The following SND1 variants were observed in gnomAD, a reference collection of about 807,000 sequenced individuals.
The protein encoded by SND1 is staphylococcal nuclease and tudor domain containing 1.
A neutral mutation model predicts 121.7 loss-of-function variants in SND1; 38 were observed. The observed-to-expected ratio is 0.31, with a 90% CI of 0.24 to 0.41. The LOEUF is 0.41. Among genes scored for constraint, SND1 ranks in the 10% least tolerant of loss-of-function variants. The probability of loss-of-function intolerance (pLI) is 1.00; values close to 1 mark genes in which losing one functional copy is unlikely to be tolerated. For missense variants in SND1, 868 were observed against 1,184.6 expected (o/e 0.73, Z 3.92); for synonymous variants, 401 against 447.4 (o/e 0.90, Z 1.31).
intron 9 of SND1, among the ~76,000 whole-genome samples, chr7:127,716,755 G>A (rs1414535374): frequency 6.6e-6 from 1 of 152,120 alleles, no homozygotes; most frequent in East Asian, 1.9e-4. Context: ...CTCTGACATG[G>A]TTTTTAAGCA....
intron 10 of SND1, among the ~76,000 whole-genome samples, chr7:127,799,002 A>AT (rs1351056825): frequency 6.7e-6 from 1 of 149,010 alleles, no homozygotes; most frequent in African/African-American, 2.6e-5. Flanking sequence ...AGCCCTTGTC[A>AT]TGCCATTGCA....
At chr7:127,947,169 C>G (rs1563066974) in intron 15 of SND1, among the ~76,000 whole-genome samples, 1 of 152,140 alleles carries the variant, frequency 6.6e-6, no homozygotes, top group Non-Finnish European at 1.5e-5. Flanking sequence ...CAAAACTTAG[C>G]ATTCTAGCAG....
chr7:128,041,318 G>A (rs1367168117), intron 16 of SND1, among the ~76,000 whole-genome samples: 2 of 152,094 alleles, frequency 1.3e-5, no homozygotes, highest in Non-Finnish European at 2.9e-5. Flanking sequence ...GGAGGGCAGC[G>A]CAGCATTGGG....
intron 16 of SND1, among the ~76,000 whole-genome samples, chr7:128,046,749 A>G (rs1792955890): frequency 6.6e-6 from 1 of 152,192 alleles, no homozygotes. Flanking sequence ...CATGAGCCAC[A>G]GCACCTAGCG....
chr7:128,041,210 G>A (rs776332421), intron 16 of SND1, among the ~76,000 whole-genome samples: 11 of 152,166 alleles, frequency 7.2e-5, no homozygotes, highest in African/African-American at 1.2e-4. Flanking sequence ...CGAGGATGCA[G>A]GATCGCTTAA....
intron 17 of SND1, among the ~76,000 whole-genome samples, chr7:128,076,255 A>G (rs1024340317): frequency 1.3e-5 from 2 of 152,104 alleles, no homozygotes; most frequent in Admixed American, 1.3e-4. Context: ...ATCGTTATTT[A>G]CTGCACAGTG....
chr7:127,971,442 G>C (rs1387183418), intron 15 of SND1, among the ~76,000 whole-genome samples: 1 of 152,220 alleles, frequency 6.6e-6, no homozygotes, highest in East Asian at 1.9e-4. Context: ...GAAGGGCCTT[G>C]TGTCTGTGCA....
chr7:128,042,072 C>T (rs946468813), intron 16 of SND1, among the ~76,000 whole-genome samples: 1 of 152,110 alleles, frequency 6.6e-6, no homozygotes, highest in Non-Finnish European at 1.5e-5. Flanking sequence ...TAGAAGAGCT[C>T]TCATTCTCTA....
chr7:127,654,610 T>C (rs1372358244), intron 1 of SND1, among the ~76,000 whole-genome samples: 1 of 152,222 alleles, frequency 6.6e-6, no homozygotes, highest in Non-Finnish European at 1.5e-5. Flanking sequence ...GGAGCTGCTA[T>C]TATGGTAAAT....
chr7:127,698,983 G>C (rs1358406451), intron 4 of SND1, 30 bp downstream of exon 4: 19 of 1,580,808 alleles, frequency 1.2e-5, no homozygotes, highest in Non-Finnish European at 1.6e-5. Flanking sequence ...CTGTCTCTCT[G>C]ACAGCGGTAA....
intron 5 of SND1, 148 bp downstream of exon 5, chr7:127,701,471 A>C: frequency 1.3e-6 from 1 of 766,104 alleles, no homozygotes; most frequent in Non-Finnish European, 2.0e-6. Context: ...ACAGCACCTT[A>C]GTATTTCAGA....
chr7:128,025,239 T>C (rs1803448499), intron 16 of SND1, among the ~76,000 whole-genome samples: 1 of 152,244 alleles, frequency 6.6e-6, no homozygotes, highest in Non-Finnish European at 1.5e-5. Flanking sequence ...GGTCTCATTT[T>C]AACTGTTTTG....
At chr7:127,925,584 T>A (rs1432125650) in intron 14 of SND1, among the ~76,000 whole-genome samples, 1 of 152,058 alleles carries the variant, frequency 6.6e-6, no homozygotes, top group Non-Finnish European at 1.5e-5. Flanking sequence ...AATCTTTATT[T>A]ATATATATGG....
chr7:127,946,161 GTTGT>G lies in SND1; in HGVS notation c.1669+16836_1669+16839del, dbSNP rs1801325515. On this transcript the variant is annotated intron_variant, in intron 15 of 23. Coordinates refer to ENST00000354725, the MANE Select transcript of SND1 (RefSeq NM_014390.4). ...GTAGTAATGAAGGTATGAATTTTTA[GTTGT>G]TTGGGGGTTTGGATTTGTTTTATTG... 2.6e-5 allele frequency among the ~76,000 whole-genome samples: 4 copies of G among 152,198 alleles called. No individual in the cohort carries two copies. The South Asian group carries it at 8.3e-4, about 32-fold the overall frequency.
chr7:127,691,911 C>T (rs1221501582), intron 2 of SND1, among the ~76,000 whole-genome samples: 2 of 151,774 alleles, frequency 1.3e-5, no homozygotes, highest in Non-Finnish European at 2.9e-5. Context: ...GGATTACAGC[C>T]GTGAGCCTCC....
In SND1 at chr7:127,861,535, C is replaced by T. The variant is rs182405911; in HGVS notation, c.1343+17111C>T. 5.2e-3 allele frequency among the ~76,000 whole-genome samples: 799 copies of T among 152,212 alleles called. 6 individuals carry two copies. The highest frequency in any genetic ancestry group is 0.018 in the African/African-American group (741 of 41,544). On this transcript the variant is annotated intron_variant, in intron 12 of 23. Coordinates refer to ENST00000354725, the MANE Select transcript of SND1 (RefSeq NM_014390.4). ...TGTTGCCTAGGCTGGAATGCAGTGG[C>T]GCTGTCTTGGCTCACTGCAACCTCC...
intron 9 of SND1, among the ~76,000 whole-genome samples, chr7:127,710,622 A>T (rs1275829350): frequency 1.3e-5 from 2 of 152,302 alleles, no homozygotes; most frequent in South Asian, 2.1e-4. Context: ...AAATTTAAAA[A>T]TTTTTTATAG....
chr7:127,931,657 T>C (rs1172604582), intron 15 of SND1, among the ~76,000 whole-genome samples: 2 of 152,236 alleles, frequency 1.3e-5, no homozygotes, highest in African/African-American at 2.4e-5. Flanking sequence ...AGTCAGTGCC[T>C]GCCTTCTGAG....
intron 11 of SND1, 122 bp downstream of exon 11, chr7:127,807,695 A>C: frequency 4.0e-6 from 3 of 748,784 alleles, no homozygotes; most frequent in Non-Finnish European, 7.0e-6. Context: ...AGTCAAATGG[A>C]ATTACTTTGA....
Sources: allele counts gnomAD v4.1 joint callset (sites outside exome capture counted in the v4.1 genomes callset), GRCh38; gene constraint gnomAD v4.1.1; transcripts MANE v1.5; gene names NCBI Gene and HGNC (gene_info 2026-07-23, HGNC 2026-07-21).